DCTPP1: variants seen among roughly 807,000 people sequenced by gnomAD.
The protein encoded by DCTPP1 is XTP3-transactivated gene A protein.
DCTPP1 carries 8 observed loss-of-function variants against 8.8 expected under a neutral mutation model. The observed-to-expected ratio is 0.91, with a 90% CI of 0.54 to 1.64. DCTPP1 has a LOEUF of 1.64. DCTPP1 is among the 40% of genes most tolerant of loss of function. The pLI, the probability that DCTPP1 is intolerant of heterozygous loss-of-function variation, is 0.00. For synonymous variants in DCTPP1, 85 were observed against 92.1 expected (o/e 0.92, Z 0.44); for missense variants, 231 against 230.4 (o/e 1.00, Z -0.02).
At chr16:30,428,923 T>A (rs772532200) in intron 2 of DCTPP1, 134 bp downstream of exon 2, 1 of 941,988 alleles carries the variant, frequency 1.1e-6, no homozygotes, top group Non-Finnish European at 1.6e-6. Context: ...GAGTCCTCTC[T>A]GCATCCCAAC....
intron 2 of DCTPP1, 90 bp downstream of exon 2, chr16:30,428,967 C>T (rs1872667122): frequency 7.4e-7 from 1 of 1,349,586 alleles, no homozygotes; most frequent in Admixed American, 2.1e-5. Context: ...GGAGGGGAAA[C>T]TGAACCCATG....
chr16:30,429,999 G>T lies in DCTPP1; in HGVS notation c.-19C>A. 6.8e-7 allele frequency: 1 copy of T among 1,471,706 alleles called. No individual in the cohort carries two copies. Among genetic ancestry groups the T allele is most frequent in the Non-Finnish European group, 9.0e-7 (1 of 1,110,612 alleles). The allele number at this position is 1,471,706 out of a possible 1,614,324, so 91.2% of individuals were successfully genotyped here. A position where few individuals can be genotyped will look rare whatever the true frequency, so the allele number is the denominator to read the frequency against. On this transcript the variant is annotated 5_prime_UTR_variant, in exon 1 of 3. Transcript: ENST00000319285. Reference sequence around the variant, plus strand: ...CAGACATGCCGCCCACCGCTGCACCGCGACTTCACGGAAAACCCACGAGCC... The same window carrying T: ...CAGACATGCCGCCCACCGCTGCACCTCGACTTCACGGAAAACCCACGAGCC...
Position 30,424,471 on chromosome 16 carries a change from A to C in DCTPP1, c.275T>G (p.Leu92Arg). ...GAGGACGTCACTAAGCTCCTCTTGAAGGGCTGCCCGTTCCCTGGGGGACCA... is the reference window on the plus strand; with the variant it reads ...GAGGACGTCACTAAGCTCCTCTTGACGGGCTGCCCGTTCCCTGGGGGACCA... The part of the protein sequence containing the change: ...QGWSPRERAA[L>R]QEELSDVLIY... Residue 92 changes from leucine (L) to arginine (R), a missense_variant, in exon 3 of 3, where the codon CTT (leucine) becomes CGT (arginine). Leu to Arg is a moderately radical substitution (Grantham distance 102). Transcript: ENST00000319285. 1 of 1,614,166 alleles carries C rather than the reference A, an allele frequency of 6.2e-7. No individual in the cohort carries two copies. The highest frequency in any genetic ancestry group is 8.5e-7 in the Non-Finnish European group (1 of 1,180,030).
chr16:30,428,909 C>T (rs969141537), intron 2 of DCTPP1, 148 bp downstream of exon 2: 2 of 770,868 alleles, frequency 2.6e-6, no homozygotes, highest in Admixed American at 6.2e-5. Flanking sequence ...GGGCAGGGAC[C>T]CGTGAGTCCT....
intron 2 of DCTPP1, among the ~76,000 whole-genome samples, chr16:30,424,952 G>A (rs1056631374): frequency 1.6e-4 from 25 of 152,192 alleles, no homozygotes; most frequent in African/African-American, 6.0e-4. Flanking sequence ...GCAATGGGGC[G>A]ATACTGCAAC....
rs926968863 is a variant in DCTPP1 at position 30,426,740 on chromosome 16, C to T, written c.213-2207G>A. On this transcript the variant is annotated intron_variant, in intron 2 of 2. Coordinates refer to ENST00000319285, the MANE Select transcript of DCTPP1 (RefSeq NM_024096.2). ...TTTGAGACGGAGTCTTGCTCTGTCG[C>T]CCTGGCTGGAATGCAGTGGCACAAT... Among the ~76,000 whole-genome samples, 5 of 151,952 alleles carry T rather than the reference C, an allele frequency of 3.3e-5. No individual in the cohort carries two copies. The South Asian group carries it at 8.3e-4, about 25-fold the overall frequency.
intron 1 of DCTPP1, chr16:30,429,489 G>A (rs991491346): frequency 9.7e-6 from 4 of 412,896 alleles, no homozygotes; most frequent in Non-Finnish European, 8.6e-6. Context: ...TCTTACAGAA[G>A]GTAGTTCCAC....
At chr16:30,429,828 C>T (rs2050214561) in intron 1 of DCTPP1, 52 bp downstream of exon 1, 2 of 1,548,460 alleles carry the variant, frequency 1.3e-6, no homozygotes, top group African/African-American at 1.4e-5. Flanking sequence ...CTCCCCAAAA[C>T]GCGGGAGAAA....
Position 30,429,141 on chromosome 16 carries a change from GCAGCAAACT to G in DCTPP1, c.119_127del (p.Glu40_Ala42del). Reference sequence around the variant, plus strand: ...ATGGAACTGTTCCCAGTCTCGTTCCGCAGCAAACTCAGCATGGAGGCGGCGGCTGAAATA... The same window carrying G: ...ATGGAACTGTTCCCAGTCTCGTTCCGCAGCATGGAGGCGGCGGCTGAAATA... On this transcript the variant is annotated inframe_deletion, in exon 2 of 3. Transcript: ENST00000319285. 1 of 1,613,858 alleles carries G rather than the reference GCAGCAAACT, an allele frequency of 6.2e-7. No homozygotes were observed. Among genetic ancestry groups the G allele is most frequent in the South Asian group, 1.1e-5 (1 of 90,996 alleles).
At chr16:30,428,894 C>G in intron 2 of DCTPP1, 163 bp downstream of exon 2, 1 of 654,838 alleles carries the variant, frequency 1.5e-6, no homozygotes, top group Non-Finnish European at 2.5e-6. Flanking sequence ...CTGAGTGCCC[C>G]TAGAGGGCAG....
At chr16:30,428,641 G>A (rs975554352) in intron 2 of DCTPP1, among the ~76,000 whole-genome samples, 1 of 152,026 alleles carries the variant, frequency 6.6e-6, no homozygotes, top group Non-Finnish European at 1.5e-5. Context: ...GTGGTGGGGG[G>A]CACCTGTAGT....
At chr16:30,424,603 A>G in intron 2 of DCTPP1, 70 bp from the exon 3 acceptor site, 1 of 1,556,528 alleles carries the variant, frequency 6.4e-7, no homozygotes, top group Non-Finnish European at 8.7e-7. Flanking sequence ...CAGTCCTTGC[A>G]GTAATAACAC....
chr16:30,427,608 A>C (rs527506761), intron 2 of DCTPP1, among the ~76,000 whole-genome samples: 13 of 152,248 alleles, frequency 8.5e-5, no homozygotes, highest in Non-Finnish European at 1.5e-4. Flanking sequence ...ATTTACTGTC[A>C]ATCTCCTTCC....
chr16:30,427,526 T>C (rs1283009918), intron 2 of DCTPP1, among the ~76,000 whole-genome samples: 1 of 152,230 alleles, frequency 6.6e-6, no homozygotes, highest in African/African-American at 2.4e-5. Flanking sequence ...TTGGCCAGAC[T>C]GGGTCATCAC....
rs575688547 is a variant in DCTPP1 at position 30,424,179 on chromosome 16, C to T, written c.*54G>A. The stretch of plus-strand genomic sequence containing the variant: ...ACTAGAAAAAGGCTCCAGGGCCAGG[C>T]CACTCTCTGCTCTTCAGACACCACC... On this transcript the variant is annotated 3_prime_UTR_variant, in exon 3 of 3. Transcript: ENST00000319285. 50 of 1,587,028 alleles carry T rather than the reference C, an allele frequency of 3.2e-5. No individual in the cohort carries two copies. The African/African-American group carries it at 4.7e-4, about 15-fold the overall frequency.
chr16:30,429,752 G>A lies in DCTPP1; in HGVS notation c.101+128C>T, dbSNP rs943174834. 1.0e-5 allele frequency: 9 copies of A among 882,308 alleles called. No homozygotes were observed. The African/African-American group carries it at 1.6e-4, about 15-fold the overall frequency. 54.7% of individuals were successfully genotyped at this position (882,308 alleles called of 1,614,324 possible). ...AGATGAGGTAAGAAGGCTCACCCAGGGACAGCCCACAGAGCCAGGACCCGA... is the reference window on the plus strand; with the variant it reads ...AGATGAGGTAAGAAGGCTCACCCAGAGACAGCCCACAGAGCCAGGACCCGA... On this transcript the variant is annotated intron_variant, in intron 1 of 2. Coordinates refer to ENST00000319285, the MANE Select transcript of DCTPP1 (RefSeq NM_024096.2).
chr16:30,424,376 T>C lies in DCTPP1; in HGVS notation c.370A>G (p.Ile124Val). 1 of 1,614,208 alleles carries C rather than the reference T, an allele frequency of 6.2e-7. No individual in the cohort carries two copies. The change falls in exon 3 of 3, where the codon ATC becomes GTC. Residue 124 changes from isoleucine to valine, a missense_variant. Transcript: ENST00000319285. ...TGGGCTGGGTAGCGTCGCCGGTTGA[T>C]GTCCATTTTGGAGAGCACTGCTAGC... ...LPLAVLSKMD[I>V]NRRRYPAHLA...
chr16:30,429,823 CA>C, intron 1 of DCTPP1, 56 bp downstream of exon 1: 1 of 1,539,900 alleles, frequency 6.5e-7, no homozygotes. Context: ...GAACCCTCCC[CA>C]AAACGCGGGA....
intron 2 of DCTPP1, among the ~76,000 whole-genome samples, chr16:30,424,923 G>T (rs935621649): frequency 1.3e-5 from 2 of 152,120 alleles, no homozygotes; most frequent in Non-Finnish European, 2.9e-5. Context: ...TCGCTCTGTC[G>T]CCCAGGCTGG....
Sources: gnomAD v4.1 joint callset for allele counts (sites outside exome capture counted in the v4.1 genomes callset) on GRCh38, gnomAD v4.1.1 for gene constraint, MANE v1.5 for transcripts, NCBI Gene and HGNC (gene_info 2026-07-23, HGNC 2026-07-21) for gene names.